Variants in CEP128 observed in about 807,000 individuals in gnomAD.
CEP128 encodes centrosomal protein 128kDa.
CEP128 carries 132 observed loss-of-function variants against 156.7 expected under a neutral mutation model. The observed-to-expected ratio is 0.84, with a 90% CI of 0.73 to 0.97. The LOEUF is 0.97. Among genes scored for constraint, CEP128 ranks in the 50% least tolerant of loss-of-function variants. CEP128 has a pLI of 0.00. For synonymous variants in CEP128, 469 were observed against 448.9 expected (o/e 1.04, Z -0.57); for missense variants, 1,252 against 1,281.9 (o/e 0.98, Z 0.36).
chr14:80,832,810 A>T (rs1885876727), intron 12 of CEP128, among the ~76,000 whole-genome samples: 3 of 152,198 alleles, frequency 2.0e-5, no homozygotes, highest in African/African-American at 7.2e-5. Flanking sequence ...ATATGTTACA[A>T]GGGTGGGAGG....
chr14:80,547,035 T>C (rs530749664), intron 21 of CEP128, among the ~76,000 whole-genome samples: 63 of 152,316 alleles, frequency 4.1e-4, no homozygotes, highest in African/African-American at 1.4e-3. Flanking sequence ...AAACAAACTT[T>C]ATAAAATCTT....
intron 19 of CEP128, among the ~76,000 whole-genome samples, chr14:80,643,157 T>C (rs185540690): frequency 1.0e-3 from 156 of 152,312 alleles, no homozygotes; most frequent in African/African-American, 3.5e-3. Context: ...AAATCAATCC[T>C]CAATCTTTTT....
At chr14:80,776,717 C>A (rs1019316568) in intron 16 of CEP128, among the ~76,000 whole-genome samples, 16 of 151,908 alleles carry the variant, frequency 1.1e-4, no homozygotes, top group African/African-American at 3.6e-4. Flanking sequence ...TGAGCACATA[C>A]GTGCATTCAT....
intron 19 of CEP128, among the ~76,000 whole-genome samples, chr14:80,585,671 C>T (rs1452191156): frequency 1.3e-5 from 2 of 152,142 alleles, no homozygotes; most frequent in Admixed American, 6.5e-5. Context: ...TTACTGATTG[C>T]AGTTTAGAGA....
rs140650989 is a variant in CEP128 at position 80,791,923 on chromosome 14, T to C, written c.1560+837A>G. On this transcript the variant is annotated intron_variant, in intron 14 of 24. Coordinates refer to ENST00000555265, the MANE Select transcript of CEP128 (RefSeq NM_152446.5). Reference sequence around the variant, plus strand: ...TTTCTTTTCAAAGAAAGTCAACTTATCCAAATGATTATTCTTTTGGAATGT... The same window carrying C: ...TTTCTTTTCAAAGAAAGTCAACTTACCCAAATGATTATTCTTTTGGAATGT... Among the ~76,000 whole-genome samples, 823 of 152,316 alleles carry C rather than the reference T, an allele frequency of 5.4e-3. 8 individuals are homozygous for C. Among genetic ancestry groups the C allele is most frequent in the African/African-American group, 0.019 (785 of 41,560 alleles).
chr14:80,508,729 T>G (rs964714163), intron 23 of CEP128, among the ~76,000 whole-genome samples: 6 of 152,194 alleles, frequency 3.9e-5, no homozygotes, highest in African/African-American at 1.4e-4. Context: ...GGTAGAGTAA[T>G]TCATAACATT....
chr14:80,855,934 G>A (rs546301139), intron 9 of CEP128, among the ~76,000 whole-genome samples: 4 of 152,236 alleles, frequency 2.6e-5, no homozygotes, highest in South Asian at 4.1e-4. Context: ...AAGGGTACCC[G>A]AGGCTTTTCT....
chr14:80,808,140 C>A (rs1383140364), intron 13 of CEP128, among the ~76,000 whole-genome samples: 1 of 152,204 alleles, frequency 6.6e-6, no homozygotes, highest in Non-Finnish European at 1.5e-5. Flanking sequence ...GAGATCCCCT[C>A]CCACTGGCAG....
intron 13 of CEP128, among the ~76,000 whole-genome samples, chr14:80,817,322 C>T (rs1030137385): frequency 2.6e-5 from 4 of 151,994 alleles, no homozygotes; most frequent in Non-Finnish European, 5.9e-5. Context: ...AAAAAAGTTA[C>T]AAGACATGCA....
intron 13 of CEP128, among the ~76,000 whole-genome samples, chr14:80,819,534 C>T (rs1467954209): frequency 6.6e-6 from 1 of 152,148 alleles, no homozygotes; most frequent in Non-Finnish European, 1.5e-5. Flanking sequence ...GCGTGAGCCA[C>T]TGCACCCAGC....
At chr14:80,791,685 G>C (rs997579669) in intron 14 of CEP128, among the ~76,000 whole-genome samples, 1 of 152,062 alleles carries the variant, frequency 6.6e-6, no homozygotes, top group African/African-American at 2.4e-5. Flanking sequence ...CTTTACTTCA[G>C]GGCAACCAGC....
chr14:80,645,035 T>C (rs1894577026), intron 19 of CEP128, among the ~76,000 whole-genome samples: 2 of 152,158 alleles, frequency 1.3e-5, no homozygotes, highest in Admixed American at 6.5e-5. Context: ...CTTAATTCTA[T>C]GTGACCTGGG....
downstream of CEP128, among the ~76,000 whole-genome samples, chr14:80,493,894 A>G (rs2140162041): frequency 6.6e-6 from 1 of 152,350 alleles, no homozygotes; most frequent in East Asian, 1.9e-4. Context: ...TGGTTTCACC[A>G]AAGAGCAGAT....
At chr14:80,684,893 G>C (rs2596112) in intron 19 of CEP128, among the ~76,000 whole-genome samples, 1 of 151,902 alleles carries the variant, frequency 6.6e-6, no homozygotes, top group Non-Finnish European at 1.5e-5. Context: ...ATGTAATCCA[G>C]TATCGCTTCA....
Position 80,647,011 on chromosome 14 carries a change from A to ATATATG in CEP128, c.2807-66589_2807-66588insCATATA, listed in dbSNP as rs1233103116. ...TTATAAGAAATATATATATATATAT[A>ATATATG]TGTGTGTGTATATATATGTGTGCAT... On this transcript the variant is annotated intron_variant, in intron 19 of 24. Coordinates refer to ENST00000555265, the MANE Select transcript of CEP128 (RefSeq NM_152446.5). Among the ~76,000 whole-genome samples the ATATATG allele has an allele frequency of 8.3e-4, 60 of 72,532 alleles. 6 individuals are homozygous for ATATATG. Among genetic ancestry groups the ATATATG allele is most frequent in the Non-Finnish European group, 1.1e-3 (34 of 30,894 alleles). 47.6% of individuals were successfully genotyped at this position (72,532 alleles called of 152,430 possible).
intron 9 of CEP128, among the ~76,000 whole-genome samples, chr14:80,850,177 A>T (rs1389672646): frequency 6.6e-6 from 1 of 152,166 alleles, no homozygotes; most frequent in Admixed American, 6.5e-5. Context: ...TCTTCATATA[A>T]AATACACAAT....
chr14:80,688,775 C>T (rs546368463), intron 19 of CEP128, among the ~76,000 whole-genome samples: 12 of 152,148 alleles, frequency 7.9e-5, no homozygotes, highest in African/African-American at 2.7e-4. Context: ...TGCCTCATAG[C>T]GCATTTGAAT....
chr14:80,733,499 C>T (rs2590488), intron 19 of CEP128, among the ~76,000 whole-genome samples: 79,769 of 151,772 alleles, frequency 0.53, 21,250 homozygotes, highest in East Asian at 0.72. Flanking sequence ...TGACAAACAG[C>T]TAAGAAAAAC....
intron 20 of CEP128, among the ~76,000 whole-genome samples, chr14:80,561,905 T>TATAC (rs1890693226): frequency 6.7e-6 from 1 of 149,618 alleles, no homozygotes; most frequent in African/African-American, 2.5e-5. Flanking sequence ...TCTATATATA[T>TATAC]ATATATATTT....
Sources: allele counts gnomAD v4.1 joint callset (sites outside exome capture counted in the v4.1 genomes callset), GRCh38; gene constraint gnomAD v4.1.1; transcripts MANE v1.5; gene names NCBI Gene and HGNC (gene_info 2026-07-23, HGNC 2026-07-21).